The following ATG2A variants were observed in gnomAD, a reference collection of about 807,000 sequenced individuals.
ATG2A encodes autophagy related 2A.
A neutral mutation model predicts 214.2 loss-of-function variants in ATG2A; 103 were observed. The observed-to-expected ratio is 0.48, with a 90% CI of 0.41 to 0.57. ATG2A has a LOEUF of 0.57. Among genes scored for constraint, ATG2A ranks in the 20% least tolerant of loss-of-function variants. The pLI, the probability that ATG2A is intolerant of heterozygous loss-of-function variation, is 0.00. For synonymous variants in ATG2A, 1,160 were observed against 1,142.1 expected, an observed-to-expected ratio of 1.02 and a Z score of -0.32; for missense variants, 2,312 against 2,613.2, an observed-to-expected ratio of 0.88 and a Z score of 2.51.
chr11:64,917,105 A>G lies in ATG2A; in HGVS notation c.31T>C (p.Cys11Arg). The change falls in exon 1 of 41, where the codon TGT (cysteine) becomes CGT (arginine). Residue 11 changes from cysteine (C) to arginine (R), a missense_variant. Physicochemically the swap from Cys to Arg is radical, Grantham distance 180. Transcript: ENST00000377264. Reference protein sequence around the residue: MSRWLWPWSNCVKERVCRYLL... With the variant: MSRWLWPWSNRVKERVCRYLL... ...TAGCGGCAGACCCGCTCTTTCACAC[A>G]GTTTGACCATGGCCACAGCCATCGT... is the stretch of plus-strand genomic sequence containing the variant. The G allele has an allele frequency of 6.2e-7, 1 of 1,612,322 alleles. No individual in the cohort carries two copies. The highest frequency in any genetic ancestry group is 2.2e-5 in the East Asian group (1 of 44,710).
Position 64,895,340 on chromosome 11 carries a change from G to C in ATG2A, c.5530C>G (p.Pro1844Ala). Reference protein sequence around the residue: ...SARRLRRGQQPADLREGVAKA... With the variant: ...SARRLRRGQQAADLREGVAKA... Reference sequence around the variant, plus strand: ...GCCACACCCTCCCGCAGGTCGGCAGGCTGCTGGCCCCTGCGCAGCCTCCGC... The same window carrying C: ...GCCACACCCTCCCGCAGGTCGGCAGCCTGCTGGCCCCTGCGCAGCCTCCGC... The change falls in exon 40 of 41, where the codon CCT (proline) becomes GCT (alanine). Residue 1844 changes from proline (P) to alanine (A), a missense_variant. Transcript: ENST00000377264. The surrounding 1 kb of genome is among the most constrained non-coding windows in gnomAD (Gnocchi z 5.0). The C allele has an allele frequency of 6.2e-7, 1 of 1,613,346 alleles. No homozygotes were observed. Among genetic ancestry groups the C allele is most frequent in the Non-Finnish European group, 8.5e-7 (1 of 1,179,864 alleles).
At chr11:64,907,155 G>C (rs1245481379) in intron 19 of ATG2A, 100 bp downstream of exon 19, 21 of 1,365,290 alleles carry the variant, frequency 1.5e-5, no homozygotes, top group Non-Finnish European at 1.9e-5. Context: ...CAGGCCTCCT[G>C]CTCTCCACAT....
intron 14 of ATG2A, 42 bp from the exon 15 acceptor site, chr11:64,909,409 T>C (rs753653241): frequency 1.1e-5 from 17 of 1,578,080 alleles, no homozygotes; most frequent in Admixed American, 5.0e-5. Flanking sequence ...CACTGCTGCC[T>C]TTTCCTATTT....
rs906528598 is a variant in ATG2A, at chr11:64,908,845, C to T, written c.2364+146G>A. On this transcript the variant is annotated intron_variant, in intron 16 of 40. Transcript: ENST00000377264. ...GACTGGCTGGAAAGAATGGAAGAGC[C>T]GAAATCCTCACTGGTGTTGGGTCAG... 118 of 869,420 alleles carry T rather than the reference C, an allele frequency of 1.4e-4. No individual in the cohort carries two copies. In the African/African-American group the frequency reaches 1.7e-3, roughly 13 times the overall value. 53.9% of individuals were successfully genotyped at this position (869,420 alleles called of 1,614,324 possible). A position where few individuals can be genotyped will look rare whatever the true frequency, so the allele number is the denominator to read the frequency against.
chr11:64,912,709 T>C, intron 6 of ATG2A: 1 of 448,544 alleles, frequency 2.2e-6, no homozygotes, highest in Non-Finnish European at 4.0e-6. Context: ...TTCTCCCGCC[T>C]CAGCCTCCCA....
At chr11:64,896,215 C>T (rs1944143504) in intron 39 of ATG2A, among the ~76,000 whole-genome samples, 1 of 152,264 alleles carries the variant, frequency 6.6e-6, no homozygotes, top group Non-Finnish European at 1.5e-5. Context: ...GCAGGAGACA[C>T]AGTGGGCTCT....
At chr11:64,896,687 C>T in intron 38 of ATG2A, 61 bp downstream of exon 38, 1 of 1,606,846 alleles carries the variant, frequency 6.2e-7, no homozygotes, top group Non-Finnish European at 8.5e-7. Context: ...TTCCCAATGG[C>T]AGCTTCTAGG....
intron 37 of ATG2A, chr11:64,897,199 G>T: frequency 3.1e-6 from 2 of 636,864 alleles, no homozygotes; most frequent in Non-Finnish European, 5.3e-6. Flanking sequence ...TGTATTTTTA[G>T]TAGAGACGGG....
Position 64,902,164 on chromosome 11 carries a change from G to A in ATG2A, c.3917C>T (p.Pro1306Leu), listed in dbSNP as rs1315457239. 6.2e-7 allele frequency: 1 copy of A among 1,613,150 alleles called. No individual in the cohort carries two copies. Among genetic ancestry groups the A allele is most frequent in the South Asian group, 1.1e-5 (1 of 91,078 alleles). Residue 1306 changes from proline (P) to leucine (L), a missense_variant, in exon 29 of 41, where the codon CCT becomes CTT. Physicochemically the swap from Pro to Leu is moderately conservative, Grantham distance 98. Transcript: ENST00000377264. ...ELAQPSGGHL[P>L]QASPISVYLF... ...GTAGACGGAGATGGGCGACGCCTGA[G>A]GGAGGTGGCCACCTATAGGAGAGAG...
intron 24 of ATG2A, among the ~76,000 whole-genome samples, chr11:64,904,817 T>TATTTTATCA (rs1371714018): frequency 1.9e-5 from 2 of 102,768 alleles, no homozygotes; most frequent in Non-Finnish European, 4.5e-5. Flanking sequence ...CTATATTTTT[T>TATTTTATCA]ATCTATCTAT....
rs755799124 is a variant in ATG2A at position 64,913,360 on chromosome 11, G to A, written c.632C>T (p.Ala211Val). Residue 211 changes from alanine (A) to valine (V), a missense_variant, in exon 5 of 41, where the codon GCG becomes GTG. Transcript: ENST00000377264. This position sits in a 1 kb window ranked among gnomAD's most constrained non-coding sequence, Gnocchi z 4.3. ...CDEAVRDPSQ[A>V]PPVDVHQPPA... ...CGGCTGATGCACGTCCACCGGCGGC[G>A]CCTGGCTTGGGTCCCGCACTGCCTC... 4.4e-5 allele frequency: 70 copies of A among 1,600,116 alleles called. No homozygotes were observed. Among genetic ancestry groups the A allele is most frequent in the Non-Finnish European group, 5.6e-5 (66 of 1,174,852 alleles).
In ATG2A at chr11:64,898,420, C is replaced by A; in HGVS notation, c.4672-58G>T. On this transcript the variant is annotated intron_variant, in intron 32 of 40. Coordinates refer to ENST00000377264, the MANE Select transcript of ATG2A (RefSeq NM_015104.3). The surrounding 1 kb of genome is among the most constrained non-coding windows in gnomAD (Gnocchi z 4.5). The stretch of plus-strand genomic sequence containing the variant: ...TGGGCCTCTGGGGCAGCAGCTCACC[C>A]AGCTGTTCCCTGACAGCTCACCCAG... The A allele has an allele frequency of 6.8e-7, 1 of 1,469,634 alleles. No homozygotes were observed. The highest frequency in any genetic ancestry group is 2.4e-4 in the Middle Eastern group (1 of 4,118). 91.0% of individuals were successfully genotyped at this position (1,469,634 alleles called of 1,614,324 possible).
Position 64,901,077 on chromosome 11 carries a change from G to A in ATG2A, c.4135C>T (p.Pro1379Ser), listed in dbSNP as rs1281810641. The change falls in exon 30 of 41, where the codon CCT becomes TCT. Residue 1379 changes from proline (P) to serine (S), a missense_variant. By Grantham distance (74) the Pro-to-Ser change is moderately conservative. Coordinates refer to ENST00000377264, the MANE Select transcript of ATG2A (RefSeq NM_015104.3). The stretch of plus-strand genomic sequence containing the variant: ...CCGGGATGCAGCTGTGTCACCACAG[G>A]CTCCCCATCTCGGGGCTGCAGGGAG... ...GLGIPPRDGE[P>S]VVTQLHPGPI... 2.5e-6 allele frequency: 4 copies of A among 1,570,468 alleles called. No individual in the cohort carries two copies. Among genetic ancestry groups the A allele is most frequent in the East Asian group, 2.4e-5 (1 of 42,216 alleles).
chr11:64,911,264 G>A lies in ATG2A; in HGVS notation c.1240C>T (p.Pro414Ser), dbSNP rs769160641. 9 of 1,613,666 alleles carry A rather than the reference G, an allele frequency of 5.6e-6. No homozygotes were observed. The highest frequency in any genetic ancestry group is 4.4e-5 in the South Asian group (4 of 91,080). Reference sequence around the variant, plus strand: ...CGCATGGTGTCCAGGAGGGGGTTGGGGGCCATCTTGCCTGAGGGGACAGAG... The same window carrying A: ...CGCATGGTGTCCAGGAGGGGGTTGGAGGCCATCTTGCCTGAGGGGACAGAG... ...AQAHPAGKMAPNPLLDTMRPD... is the reference protein window; with the variant it reads ...AQAHPAGKMASNPLLDTMRPD... The change falls in exon 10 of 41, where the codon CCC becomes TCC. Residue 414 changes from proline to serine, a missense_variant. Coordinates refer to ENST00000377264, the MANE Select transcript of ATG2A (RefSeq NM_015104.3).
Position 64,910,166 on chromosome 11 carries a change from A to T in ATG2A, c.1737T>A (p.His579Gln). ...KSRPRRSVAC[H>Q]CHSELALDLA... is the part of the protein sequence containing the mutation. ...GGTCCAGGGCCAGTTCTGAGTGGCA[A>T]TGGCAGGCAACTGAGCGCCGGGGTC... Residue 579 changes from histidine (H) to glutamine (Q), a missense_variant, in exon 13 of 41, where the codon CAT becomes CAA. Transcript: ENST00000377264. 1.2e-6 allele frequency: 2 copies of T among 1,608,634 alleles called. No homozygotes were observed. The highest frequency in any genetic ancestry group is 1.7e-6 in the Non-Finnish European group (2 of 1,178,148).
At chr11:64,905,690 A>G in intron 23 of ATG2A, 35 bp from the exon 24 acceptor site, 4 of 1,613,416 alleles carry the variant, frequency 2.5e-6, no homozygotes, top group Non-Finnish European at 3.4e-6. Flanking sequence ...CCGGCTCCTT[A>G]CACCTGAGAG....
At chr11:64,897,817 C>G in intron 35 of ATG2A, 22 bp downstream of exon 35, 1 of 1,613,354 alleles carries the variant, frequency 6.2e-7, no homozygotes, top group Non-Finnish European at 8.5e-7. Flanking sequence ...CAGGGCCCCC[C>G]ACCCGCAGTC....
chr11:64,909,196 C>G, intron 15 of ATG2A, 46 bp from the exon 16 acceptor site: 1 of 1,607,430 alleles, frequency 6.2e-7, no homozygotes, highest in Non-Finnish European at 8.5e-7. Context: ...CCCCCGGCAC[C>G]CAGTTCCAAA....
intron 9 of ATG2A, 21 bp downstream of exon 9, chr11:64,911,821 C>T: frequency 6.2e-7 from 1 of 1,611,932 alleles, no homozygotes; most frequent in Non-Finnish European, 8.5e-7. Context: ...CCTGGAGTAC[C>T]CCCAGGGTGC....
Sources: allele counts gnomAD v4.1 joint callset (sites outside exome capture counted in the v4.1 genomes callset), GRCh38; gene constraint gnomAD v4.1.1; non-coding constraint Gnocchi (gnomAD v3.1); transcripts MANE v1.5; gene names NCBI Gene and HGNC (gene_info 2026-07-23, HGNC 2026-07-21).